METAP1D: variants seen among roughly 807,000 people sequenced by gnomAD.
The protein encoded by METAP1D is methionyl aminopeptidase type 1D, mitochondrial.
In METAP1D, 31 loss-of-function variants were observed where a neutral mutation model predicts 40.5. The observed-to-expected ratio is 0.77, with a 90% CI of 0.58 to 1.03. The LOEUF (loss-of-function observed/expected upper bound fraction) is 1.03, where lower values mean the gene tolerates loss of function less well. METAP1D is among the 50% of genes least tolerant of loss of function. METAP1D has a pLI of 0.00. For missense variants in METAP1D, 411 were observed against 420.7 expected (o/e 0.98, Z 0.20); for synonymous variants, 151 against 146.4 (o/e 1.03, Z -0.22).
chr2:172,054,576 AT>A (rs1199977340), intron 1 of METAP1D, among the ~76,000 whole-genome samples: 6 of 151,824 alleles, frequency 4.0e-5, no homozygotes, highest in Admixed American at 2.6e-4. Context: ...TCATACTTGA[AT>A]TCTATAATCC....
chr2:172,027,065 T>C (rs1489982250), intron 1 of METAP1D, among the ~76,000 whole-genome samples: 1 of 152,102 alleles, frequency 6.6e-6, no homozygotes, highest in African/African-American at 2.4e-5. Flanking sequence ...CCAAGATTAC[T>C]CCAGGAACTG....
chr2:172,014,746 G>A (rs577752130), intron 1 of METAP1D, among the ~76,000 whole-genome samples: 17 of 152,116 alleles, frequency 1.1e-4, no homozygotes, highest in South Asian at 2.1e-4. Flanking sequence ...TCCATCTCCC[G>A]GGTTCAAGAA....
intron 1 of METAP1D, among the ~76,000 whole-genome samples, chr2:172,047,460 G>A (rs895847720): frequency 6.6e-6 from 1 of 151,560 alleles, no homozygotes; most frequent in South Asian, 2.1e-4. Context: ...TTGAGACAGG[G>A]TCTCACTTTG....
intron 1 of METAP1D, among the ~76,000 whole-genome samples, chr2:172,030,127 T>C (rs1391322735): frequency 6.6e-6 from 1 of 150,946 alleles, no homozygotes; most frequent in Admixed American, 6.7e-5. Flanking sequence ...TTCACTCTTG[T>C]TGCCCAGGCT....
intron 3 of METAP1D, among the ~76,000 whole-genome samples, chr2:172,064,964 C>A (rs1690216252): frequency 6.6e-6 from 1 of 152,014 alleles, no homozygotes; most frequent in Non-Finnish European, 1.5e-5. Context: ...TTTCAGTTTT[C>A]TTTTAGTTTG....
At chr2:172,064,309 T>G (rs1433308392) in intron 3 of METAP1D, 1 of 154,786 alleles carries the variant, frequency 6.5e-6, no homozygotes, top group African/African-American at 2.4e-5. Flanking sequence ...TACACAAAGC[T>G]GTAGGTAATA....
At chr2:172,067,828 T>C (rs1044605481) in intron 5 of METAP1D, among the ~76,000 whole-genome samples, 7 of 152,208 alleles carry the variant, frequency 4.6e-5, no homozygotes, top group South Asian at 2.1e-4. Context: ...TATTTCCAAG[T>C]GTCTAGAAAT....
At chr2:172,000,036 A>T (rs1688420752) in intron 1 of METAP1D, 27 bp downstream of exon 1, 1 of 1,300,036 alleles carries the variant, frequency 7.7e-7, no homozygotes, top group Non-Finnish European at 9.9e-7. Context: ...GAGCCCCGTG[A>T]GGGTTCGCAC....
intron 2 of METAP1D, among the ~76,000 whole-genome samples, chr2:172,062,936 A>G (rs931479992): frequency 3.3e-5 from 5 of 152,258 alleles, no homozygotes; most frequent in Admixed American, 6.5e-5. Context: ...GTAATGCATT[A>G]TAAACTATAA....
At chr2:172,059,319 G>A (rs946384941) in intron 1 of METAP1D, among the ~76,000 whole-genome samples, 3 of 151,836 alleles carry the variant, frequency 2.0e-5, no homozygotes, top group Non-Finnish European at 2.9e-5. Context: ...TTACAGGCGT[G>A]ACCCACCGCA....
At position 172,017,277 on chromosome 2, in the gene METAP1D, T is replaced by TAA. The variant is rs1029785303; in HGVS notation, c.40+17268_40+17269insAA. On this transcript the variant is annotated intron_variant, in intron 1 of 9. Transcript: ENST00000315796. ...ACACACACACACACACACACACATT[T>TAA]TATATATATACACATATATAAAACC... 5.0e-5 allele frequency among the ~76,000 whole-genome samples: 7 copies of TAA among 140,866 alleles called. No homozygotes were observed. The Admixed American group carries it at 5.2e-4, about 10-fold the overall frequency. 92.4% of individuals were successfully genotyped at this position (140,866 alleles called of 152,430 possible).
At chr2:172,025,586 T>C (rs1484362246) in intron 1 of METAP1D, among the ~76,000 whole-genome samples, 1 of 152,172 alleles carries the variant, frequency 6.6e-6, no homozygotes, top group Non-Finnish European at 1.5e-5. Context: ...CACCTCAGCC[T>C]CCCAGGGCTT....
intron 5 of METAP1D, among the ~76,000 whole-genome samples, chr2:172,069,518 A>G (rs1690371940): frequency 1.3e-5 from 2 of 152,198 alleles, no homozygotes; most frequent in African/African-American, 2.4e-5. Flanking sequence ...TTCCTTTTCT[A>G]AGTTTCCTGA....
intron 5 of METAP1D, among the ~76,000 whole-genome samples, chr2:172,069,380 G>T (rs1050258393): frequency 6.6e-6 from 1 of 151,950 alleles, no homozygotes; most frequent in Non-Finnish European, 1.5e-5. Flanking sequence ...GAATGAAATC[G>T]TATTTTGTAT....
chr2:172,049,369 ATATT>A (rs1346783709), intron 1 of METAP1D, among the ~76,000 whole-genome samples: 5 of 149,832 alleles, frequency 3.3e-5, no homozygotes, highest in African/African-American at 1.2e-4. Context: ...ATGTTTATTT[ATATT>A]TATGTTTACT....
At chr2:172,033,404 A>G (rs1386547498) in intron 1 of METAP1D, among the ~76,000 whole-genome samples, 1 of 151,486 alleles carries the variant, frequency 6.6e-6, no homozygotes. Context: ...CCCAGGCCAG[A>G]GTGCAGTGGT....
intron 3 of METAP1D, 46 bp downstream of exon 3, chr2:172,063,906 A>C (rs893418572): frequency 6.6e-7 from 1 of 1,508,362 alleles, no homozygotes. Flanking sequence ...AGGGGCAACA[A>C]ACACTCCTCT....
Position 172,080,377 on chromosome 2 carries a change from A to T in METAP1D, c.979A>T (p.Ile327Phe), listed in dbSNP as rs200773279. Residue 327 changes from isoleucine to phenylalanine, a missense_variant, in exon 10 of 10, where the codon ATC becomes TTC. Physicochemically the swap from Ile to Phe is conservative, Grantham distance 21. Coordinates refer to ENST00000315796, the MANE Select transcript of METAP1D (RefSeq NM_199227.3). ...TCTGATCACGTCGAGGGGCGCGCAG[A>T]TCCTGACCAAACTACCCCATGAGGC... ...TVLITSRGAQ[I>F]LTKLPHEA 1.3e-4 allele frequency: 211 copies of T among 1,614,024 alleles called. 1 individual carries two copies. The South Asian group carries it at 1.4e-3, about 11-fold the overall frequency.
chr2:172,054,279 T>C (rs959700403), intron 1 of METAP1D, among the ~76,000 whole-genome samples: 2 of 152,070 alleles, frequency 1.3e-5, no homozygotes, highest in East Asian at 3.9e-4. Context: ...CCCAGCACTT[T>C]GGGAGGCCGA....
Sources: gnomAD v4.1 joint callset for allele counts (sites outside exome capture counted in the v4.1 genomes callset) on GRCh38, gnomAD v4.1.1 for gene constraint, MANE v1.5 for transcripts, NCBI Gene and HGNC (gene_info 2026-07-23, HGNC 2026-07-21) for gene names.